DOCK3: variants seen among roughly 807,000 people sequenced by gnomAD.
DOCK3 encodes dedicator of cytokinesis protein 3.
A neutral mutation model predicts 265.6 loss-of-function variants in DOCK3; 60 were observed. The observed-to-expected ratio is 0.23, with a 90% CI of 0.18 to 0.28. The LOEUF (loss-of-function observed/expected upper bound fraction) is 0.28, where lower values mean the gene tolerates loss of function less well. DOCK3 is among the 10% of genes least tolerant of loss of function. DOCK3 has a pLI of 1.00. For missense variants in DOCK3, 1,981 were observed against 2,594.3 expected (o/e 0.76, Z 5.14); for synonymous variants, 881 against 938.0 (o/e 0.94, Z 1.11).
chr3:50,736,431 G>A (rs1424737858), intron 1 of DOCK3, among the ~76,000 whole-genome samples: 1 of 152,142 alleles, frequency 6.6e-6, no homozygotes, highest in African/African-American at 2.4e-5. Flanking sequence ...TGGGATGGCT[G>A]GGTCAAATGG....
intron 19 of DOCK3, among the ~76,000 whole-genome samples, chr3:51,229,955 A>G (rs1178174589): frequency 6.6e-6 from 1 of 152,148 alleles, no homozygotes; most frequent in Admixed American, 6.5e-5. Context: ...AGTTTTTTGT[A>G]TTCCGCATAT....
rs189147225 is a variant in DOCK3, at chr3:50,992,288, A to C, written c.315+58211A>C. ...GATGTGAAAAACAATTCAAAAGATCAGTGAATCCAGGAGTTTTGTTTTGTT... is the reference window on the plus strand; with the variant it reads ...GATGTGAAAAACAATTCAAAAGATCCGTGAATCCAGGAGTTTTGTTTTGTT... On this transcript the variant is annotated intron_variant, in intron 5 of 52. Transcript: ENST00000266037. 2.6e-5 allele frequency among the ~76,000 whole-genome samples: 4 copies of C among 152,330 alleles called. No homozygotes were observed. In the East Asian group the frequency reaches 7.7e-4, roughly 29 times the overall value.
At chr3:51,141,807 T>C (rs572584254) in intron 9 of DOCK3, among the ~76,000 whole-genome samples, 106 of 152,268 alleles carry the variant, frequency 7.0e-4, no homozygotes, top group Admixed American at 2.4e-3. Context: ...GATGGCAAGC[T>C]TTATAAAGAT....
At chr3:51,017,048 T>G (rs2079375552) in intron 5 of DOCK3, among the ~76,000 whole-genome samples, 1 of 146,608 alleles carries the variant, frequency 6.8e-6, no homozygotes, top group Non-Finnish European at 1.5e-5. Context: ...ATGGCTTTGA[T>G]CTTATTACTT....
intron 2 of DOCK3, among the ~76,000 whole-genome samples, chr3:50,831,096 C>T (rs1409424254): frequency 6.6e-6 from 1 of 152,010 alleles, no homozygotes; most frequent in Non-Finnish European, 1.5e-5. Context: ...TTATAATTAG[C>T]ATATAATGAG....
intron 1 of DOCK3, among the ~76,000 whole-genome samples, chr3:50,677,134 G>A (rs1482269215): frequency 6.6e-6 from 1 of 152,220 alleles, no homozygotes; most frequent in Non-Finnish European, 1.5e-5. Flanking sequence ...TGGGCTCAGG[G>A]CAGAGCTTAA....
Position 51,154,750 on chromosome 3 carries a change from G to A in DOCK3, c.829-4494G>A, listed in dbSNP as rs189655153. ...GTACAGTCTTTGACTTTTTAAAAAT[G>A]AACTTAATTAGGGTGGCATTTGAAT... On this transcript the variant is annotated intron_variant, in intron 10 of 52. Transcript: ENST00000266037. 4.6e-5 allele frequency among the ~76,000 whole-genome samples: 7 copies of A among 152,256 alleles called. No homozygotes were observed. In the East Asian group the frequency reaches 1.2e-3, roughly 25 times the overall value.
At chr3:50,890,369 A>G (rs943719843) in intron 4 of DOCK3, among the ~76,000 whole-genome samples, 6 of 152,118 alleles carry the variant, frequency 3.9e-5, no homozygotes, top group African/African-American at 1.2e-4. Flanking sequence ...AGTCATTCAT[A>G]GAGTAGGAGT....
At chr3:50,814,748 T>A (rs564368654) in intron 2 of DOCK3, among the ~76,000 whole-genome samples, 1 of 152,276 alleles carries the variant, frequency 6.6e-6, no homozygotes, top group African/African-American at 2.4e-5. Flanking sequence ...GAAGTCAAAT[T>A]TTTTTAGTTT....
chr3:51,380,167 G>A lies in DOCK3; in HGVS notation c.5543G>A (p.Gly1848Asp). Residue 1848 changes from glycine to aspartate, a missense_variant, in exon 52 of 53, where the codon GGT becomes GAT. Gly to Asp is a moderately conservative substitution (Grantham distance 94, BLOSUM62 -1). Transcript: ENST00000266037. The part of the protein sequence containing the change: ...LHFDAFHHPL[G>D]DTPPALPART... ...TTTGACGCCTTCCACCACCCTCTGGGTGATACCCCCCCAGCCCTCCCTGCC... is the reference window on the plus strand; with the variant it reads ...TTTGACGCCTTCCACCACCCTCTGGATGATACCCCCCCAGCCCTCCCTGCC... 6.2e-7 allele frequency: 1 copy of A among 1,613,660 alleles called. No individual in the cohort carries two copies. Among genetic ancestry groups the A allele is most frequent in the Non-Finnish European group, 8.5e-7 (1 of 1,179,748 alleles).
intron 9 of DOCK3, among the ~76,000 whole-genome samples, chr3:51,108,815 A>C (rs1053281333): frequency 6.6e-6 from 1 of 152,258 alleles, no homozygotes; most frequent in Non-Finnish European, 1.5e-5. Flanking sequence ...TAAAGGGTTC[A>C]ATTCAACAAG....
intron 5 of DOCK3, among the ~76,000 whole-genome samples, chr3:51,002,390 T>C (rs371813260): frequency 9.2e-5 from 14 of 152,214 alleles, no homozygotes; most frequent in African/African-American, 3.4e-4. Flanking sequence ...TCTTTGCCTA[T>C]AGTTTGTCTT....
intron 6 of DOCK3, among the ~76,000 whole-genome samples, chr3:51,069,138 T>C (rs995953677): frequency 7.2e-5 from 11 of 152,200 alleles, no homozygotes; most frequent in African/African-American, 2.7e-4. Context: ...GTAAAAATTA[T>C]TAAATTGTAT....
chr3:50,903,193 C>G (rs1160869913), intron 4 of DOCK3, among the ~76,000 whole-genome samples: 1 of 152,168 alleles, frequency 6.6e-6, no homozygotes, highest in Non-Finnish European at 1.5e-5. Flanking sequence ...CCAGAACTTC[C>G]AATGCTGTGT....
rs535967363 is a variant in DOCK3, at chr3:51,326,400, A to G, written c.3403-3738A>G. ...CTCAGCCTCCTGAGTAGCTGGGATT[A>G]TAGGTGCATGCCACCACACCCAGCT... On this transcript the variant is annotated intron_variant, in intron 32 of 52. Transcript: ENST00000266037. 5.3e-5 allele frequency among the ~76,000 whole-genome samples: 8 copies of G among 150,502 alleles called. No homozygotes were observed. The East Asian group carries it at 1.4e-3, about 26-fold the overall frequency.
chr3:50,680,708 G>C (rs2034349144), intron 1 of DOCK3, among the ~76,000 whole-genome samples: 1 of 151,244 alleles, frequency 6.6e-6, no homozygotes, highest in African/African-American at 2.4e-5. Context: ...ACTGGGTCTT[G>C]CTATTTTACT....
At chr3:51,124,568 C>G (rs1349188637) in intron 9 of DOCK3, among the ~76,000 whole-genome samples, 1 of 152,064 alleles carries the variant, frequency 6.6e-6, no homozygotes, top group Non-Finnish European at 1.5e-5. Flanking sequence ...GAAGGAAAGA[C>G]ATGAAGCAAA....
At chr3:50,807,354 C>G (rs2043487132) in intron 2 of DOCK3, among the ~76,000 whole-genome samples, 1 of 151,310 alleles carries the variant, frequency 6.6e-6, no homozygotes, top group Admixed American at 6.6e-5. Context: ...CTCCTGGGCT[C>G]AATCTTTTAA....
intron 2 of DOCK3, among the ~76,000 whole-genome samples, chr3:50,807,707 T>A (rs2043514068): frequency 6.6e-6 from 1 of 152,232 alleles, no homozygotes; most frequent in Admixed American, 6.5e-5. Flanking sequence ...GTAGAAAATA[T>A]TGAGAATAAC....
Sources: allele counts gnomAD v4.1 joint callset (sites outside exome capture counted in the v4.1 genomes callset), GRCh38; gene constraint gnomAD v4.1.1; transcripts MANE v1.5; gene names NCBI Gene and HGNC (gene_info 2026-07-23, HGNC 2026-07-21).